CCNH: variants seen among roughly 807,000 people sequenced by gnomAD.
CCNH encodes cyclin-H.
A neutral mutation model predicts 41.9 loss-of-function variants in CCNH; 31 were observed. The ratio of observed to expected loss-of-function variants is 0.74; its 90% CI spans 0.56 to 1.00. The LOEUF (loss-of-function observed/expected upper bound fraction) is 1.00. Ranked by LOEUF, CCNH falls within the 50% of genes least tolerant of loss-of-function variation. The pLI is 0.00. For missense variants in CCNH, 362 were observed against 388.4 expected, an observed-to-expected ratio of 0.93 and a Z score of 0.57; for synonymous variants, 138 against 136.1, an observed-to-expected ratio of 1.01 and a Z score of -0.10.
At chr5:87,348,747 C>T (rs1759044286) in intron 9 of CCNH, among the ~76,000 whole-genome samples, 1 of 151,880 alleles carries the variant, frequency 6.6e-6, no homozygotes, top group South Asian at 2.1e-4. Context: ...GCATGTACCA[C>T]TGTGCCTAGC....
chr5:87,374,826 C>G (rs749192205), downstream of CCNH: 3 of 1,607,672 alleles, frequency 1.9e-6, no homozygotes, highest in Non-Finnish European at 8.5e-7. Context: ...TTCTTTTTCT[C>G]CTTGCTCCTT....
chr5:87,345,479 C>T (rs940769383), intron 9 of CCNH, among the ~76,000 whole-genome samples: 2 of 152,058 alleles, frequency 1.3e-5, no homozygotes, highest in Non-Finnish European at 2.9e-5. Context: ...GTCATTTAGC[C>T]TATACTTGAA....
downstream of CCNH, among the ~76,000 whole-genome samples, chr5:87,373,670 T>C (rs895926923): frequency 6.6e-6 from 1 of 152,170 alleles, no homozygotes; most frequent in Admixed American, 6.6e-5. Flanking sequence ...ACTTAGTTTC[T>C]TTAGGTTTGT....
At chr5:87,353,206 T>C in intron 9 of CCNH, 1 of 1,610,030 alleles carries the variant, frequency 6.2e-7, no homozygotes. Flanking sequence ...TGTTGAAGGA[T>C]ATTATCTTAA....
intron 9 of CCNH, among the ~76,000 whole-genome samples, chr5:87,334,271 A>AAGATG (rs950560878): frequency 2.0e-5 from 3 of 152,122 alleles, no homozygotes; most frequent in Non-Finnish European, 4.4e-5. Flanking sequence ...AGGGCAGGAG[A>AAGATG]AGATGAGATG....
exon 1 of CCNH, chr5:87,376,359 T>A: frequency 6.2e-7 from 1 of 1,611,202 alleles, no homozygotes; most frequent in Non-Finnish European, 8.5e-7. Context: ...CGTGTTCTCT[T>A]TTTAAACAAT....
At chr5:87,389,089 A>C (rs1158779579), downstream of CCNH, among the ~76,000 whole-genome samples, 1 of 152,192 alleles carries the variant, frequency 6.6e-6, no homozygotes, top group East Asian at 1.9e-4. Context: ...GAATTTTAAG[A>C]GAAATTTGAG....
chr5:87,370,939 C>T (rs1760890797), intron 9 of CCNH, among the ~76,000 whole-genome samples: 1 of 152,142 alleles, frequency 6.6e-6, no homozygotes, highest in South Asian at 2.1e-4. Context: ...ATTTAATGCT[C>T]ATTTCACATG....
chr5:87,339,644 C>T (rs1319664002), intron 9 of CCNH, among the ~76,000 whole-genome samples: 1 of 151,932 alleles, frequency 6.6e-6, no homozygotes, highest in Admixed American at 6.6e-5. Context: ...ATAATAACAA[C>T]CCAAACCAGA....
At chr5:87,346,017 T>C (rs899559447) in intron 9 of CCNH, among the ~76,000 whole-genome samples, 2 of 152,146 alleles carry the variant, frequency 1.3e-5, no homozygotes, top group African/African-American at 2.4e-5. Context: ...ACTTAGGTTA[T>C]TGTATGCTCT....
chr5:87,374,818 C>T (rs769684434), downstream of CCNH: 1 of 1,604,640 alleles, frequency 6.2e-7, no homozygotes. Context: ...TTTGTTAATT[C>T]TTTTTCTCCT....
chr5:87,394,880 C>T (rs1762798642), intron 8 of CCNH, 164 bp downstream of exon 8: 2 of 1,412,122 alleles, frequency 1.4e-6, no homozygotes, highest in Non-Finnish European at 1.8e-6. Context: ...AGAAAAATCC[C>T]TTTAATAATG....
At chr5:87,381,926 A>C (rs1450764729), upstream of CCNH, among the ~76,000 whole-genome samples, 1 of 152,190 alleles carries the variant, frequency 6.6e-6, no homozygotes. Context: ...AAGATTCTTT[A>C]AATTTGGGAA....
rs367999929 is a variant in CCNH at position 87,376,598 on chromosome 5, G to A, written n.583C>T. ...ATTATTTATCAGTCTTGTTTTTGTT[G>A]GAATTAACAGAAACATTTAACATTT... On this transcript the variant is annotated non_coding_transcript_exon_variant, in exon 1 of 1. Transcript: ENST00000607486. 6.9e-6 allele frequency: 11 copies of A among 1,591,228 alleles called. No individual in the cohort carries two copies. The African/African-American group carries it at 1.5e-4, about 21-fold the overall frequency.
Position 87,370,319 on chromosome 5 carries a change from T to C in CCNH, c.*90+22451A>G, listed in dbSNP as rs112434594. Among the ~76,000 whole-genome samples the C allele has an allele frequency of 1.4e-3, 206 of 152,328 alleles. 1 individual carries two copies. Among genetic ancestry groups the C allele is most frequent in the Non-Finnish European group, 2.6e-3 (175 of 68,018 alleles). On this transcript the variant is annotated intron_variant and NMD_transcript_variant, in intron 9 of 9. Transcript: ENST00000645953. ...AAAAGTCAGTCAACACAAGGAAAGA[T>C]ATTTTAGGAATCTATTCTCTAAGCC...
downstream of CCNH, chr5:87,386,808 A>T (rs754889152): frequency 6.2e-7 from 1 of 1,606,342 alleles, no homozygotes; most frequent in East Asian, 2.2e-5. Context: ...CATATAACAG[A>T]AGCATTTTAT....
intron 7 of CCNH, among the ~76,000 whole-genome samples, chr5:87,396,434 AAC>A (rs759158986): frequency 1.8e-4 from 27 of 152,160 alleles, no homozygotes; most frequent in East Asian, 7.7e-4. Context: ...ATCCTTGGCT[AAC>A]ACGGTAAAAT....
At chr5:87,318,690 G>A (rs1466146087) in exon 10 of CCNH, 1 of 152,124 alleles carries the variant, frequency 6.6e-6, no homozygotes, top group Non-Finnish European at 1.5e-5. Flanking sequence ...CCAACACTGG[G>A]AATTACAATT....
chr5:87,384,104 G>C (rs1384086231), intron 9 of CCNH, among the ~76,000 whole-genome samples: 1 of 152,050 alleles, frequency 6.6e-6, no homozygotes, highest in Non-Finnish European at 1.5e-5. Context: ...AAGTTGGGAA[G>C]AGCTTTGCTT....
Sources: gnomAD v4.1 joint callset for allele counts (sites outside exome capture counted in the v4.1 genomes callset) on GRCh38, gnomAD v4.1.1 for gene constraint, MANE v1.5 for transcripts, NCBI Gene and HGNC (gene_info 2026-07-23, HGNC 2026-07-21) for gene names.